The following SNX29 variants were observed in gnomAD, a reference collection of about 807,000 sequenced individuals.
SNX29 encodes the protein sorting nexin 29.
Under a neutral mutation model 102.1 loss-of-function variants are expected in SNX29, and 78 were observed. The ratio of observed to expected loss-of-function variants is 0.76; its 90% CI spans 0.64 to 0.92. The LOEUF (loss-of-function observed/expected upper bound fraction) is 0.92. Among genes scored for constraint, SNX29 ranks in the 40% least tolerant of loss-of-function variants. SNX29 has a pLI of 0.00. For synonymous variants in SNX29, 580 were observed against 414.5 expected, an observed-to-expected ratio of 1.40 and a Z score of -4.85; for missense variants, 1,280 against 1,061.7, an observed-to-expected ratio of 1.21 and a Z score of -2.86.
intron 14 of SNX29, among the ~76,000 whole-genome samples, chr16:12,230,819 C>CGTATGTATGTATGTATGTAT (rs72479138): frequency 6.7e-6 from 1 of 150,286 alleles, no homozygotes; most frequent in Non-Finnish European, 1.5e-5. Flanking sequence ...TGTAATAAGT[C>CGTATGTATGTATGTATGTAT]GTATGTATGT....
chr16:12,274,026 G>A (rs2079170630), intron 14 of SNX29, among the ~76,000 whole-genome samples: 1 of 152,180 alleles, frequency 6.6e-6, no homozygotes, highest in Non-Finnish European at 1.5e-5. Context: ...TTACTATGAA[G>A]TATTCTCTGG....
chr16:12,349,820 G>A (rs1352922674), intron 15 of SNX29, among the ~76,000 whole-genome samples: 1 of 151,032 alleles, frequency 6.6e-6, no homozygotes, highest in Non-Finnish European at 1.5e-5. Flanking sequence ...AATTATTAAT[G>A]CAAGAAATTG....
intron 20 of SNX29, among the ~76,000 whole-genome samples, chr16:12,536,175 C>G (rs562175042): frequency 6.6e-6 from 1 of 152,282 alleles, no homozygotes; most frequent in East Asian, 1.9e-4. Context: ...GCTTAGCACA[C>G]ATCACTCAGA....
chr16:12,316,529 C>T (rs191274512), intron 15 of SNX29, among the ~76,000 whole-genome samples: 27 of 152,210 alleles, frequency 1.8e-4, no homozygotes, highest in East Asian at 1.2e-3. Flanking sequence ...GGAGACAGAG[C>T]GAAACTCCAT....
intron 15 of SNX29, among the ~76,000 whole-genome samples, chr16:12,340,358 C>T (rs536870356): frequency 6.6e-6 from 1 of 152,202 alleles, no homozygotes; most frequent in Non-Finnish European, 1.5e-5. Context: ...AGACAATGTT[C>T]CTCAGTCAGT....
chr16:12,455,239 G>T (rs1042599841), intron 18 of SNX29, among the ~76,000 whole-genome samples: 2 of 152,154 alleles, frequency 1.3e-5, no homozygotes, highest in African/African-American at 4.8e-5. Flanking sequence ...GATTTGGGTG[G>T]CAAGTTAGAG....
intron 20 of SNX29, among the ~76,000 whole-genome samples, chr16:12,549,630 G>T (rs1011779774): frequency 6.6e-6 from 1 of 152,208 alleles, no homozygotes; most frequent in Non-Finnish European, 1.5e-5. Context: ...CACACGCTCT[G>T]TAAAGAGCAT....
chr16:12,444,851 T>TG (rs928906825), intron 18 of SNX29, among the ~76,000 whole-genome samples: 23 of 150,338 alleles, frequency 1.5e-4, no homozygotes, highest in East Asian at 5.8e-4. Context: ...TGTTTTTTTT[T>TG]TTTTTTGAGA....
intron 13 of SNX29, among the ~76,000 whole-genome samples, chr16:12,137,032 GC>G (rs2141470993): frequency 6.6e-6 from 1 of 152,304 alleles, no homozygotes; most frequent in Non-Finnish European, 1.5e-5. Flanking sequence ...GAGCCACGGT[GC>G]CCAGCCTAGG....
chr16:12,306,311 T>C (rs1015647597), intron 15 of SNX29, among the ~76,000 whole-genome samples: 9 of 152,056 alleles, frequency 5.9e-5, no homozygotes, highest in East Asian at 2.0e-4. Flanking sequence ...GCCAACTGCA[T>C]ATGGTCATGA....
chr16:12,265,944 T>G (rs2078915578), intron 14 of SNX29, among the ~76,000 whole-genome samples: 1 of 152,064 alleles, frequency 6.6e-6, no homozygotes. Context: ...GAAAGTAATT[T>G]CTATTTTTCT....
At chr16:11,982,505 C>G (rs974558368) in intron 1 of SNX29, among the ~76,000 whole-genome samples, 2 of 148,826 alleles carry the variant, frequency 1.3e-5, no homozygotes, top group African/African-American at 4.9e-5. Flanking sequence ...TCTCGGCTCA[C>G]TGCCAGCTCT....
At chr16:12,554,170 T>C (rs1382439974) in intron 20 of SNX29, among the ~76,000 whole-genome samples, 1 of 152,204 alleles carries the variant, frequency 6.6e-6, no homozygotes, top group Non-Finnish European at 1.5e-5. Flanking sequence ...ATGAGCAATG[T>C]GTGAATAAGT....
chr16:12,003,122 A>T, intron 3 of SNX29, 79 bp downstream of exon 3: 2 of 1,577,764 alleles, frequency 1.3e-6, no homozygotes, highest in African/African-American at 1.3e-5. Context: ...AAAACCGTTG[A>T]CCATCGAGGT....
rs200125531 is a variant in SNX29, at chr16:12,009,459, A to G, written c.122+6416A>G. 2.1e-3 allele frequency among the ~76,000 whole-genome samples: 309 copies of G among 149,088 alleles called. 4 individuals are homozygous for G. Among genetic ancestry groups the G allele is most frequent in the South Asian group, 0.017 (82 of 4,714 alleles). On this transcript the variant is annotated intron_variant, in intron 3 of 20. Transcript: ENST00000566228. ...TATTTTTATATGTGTGTGTGTATAT[A>G]TGTGTGTGTGTGTGTGTGTGTATAT...
chr16:12,458,672 T>C (rs1306349962), intron 18 of SNX29, among the ~76,000 whole-genome samples: 1 of 151,500 alleles, frequency 6.6e-6, no homozygotes, highest in East Asian at 1.9e-4. Context: ...GTAGATGAGT[T>C]AGAAGGCCAG....
At chr16:11,990,460 C>A (rs1440750213) in intron 1 of SNX29, among the ~76,000 whole-genome samples, 3 of 152,188 alleles carry the variant, frequency 2.0e-5, no homozygotes, top group Non-Finnish European at 4.4e-5. Context: ...GGGGGTCCCT[C>A]CTGGTCTTGT....
At chr16:12,553,552 G>C (rs2078126943) in intron 20 of SNX29, among the ~76,000 whole-genome samples, 2 of 152,096 alleles carry the variant, frequency 1.3e-5, no homozygotes, top group Non-Finnish European at 2.9e-5. Flanking sequence ...ACTGCAGGGA[G>C]CTAAGCAGGA....
At chr16:12,127,652 GC>G (rs1180165002) in intron 12 of SNX29, among the ~76,000 whole-genome samples, 57 of 152,156 alleles carry the variant, frequency 3.7e-4, no homozygotes, top group African/African-American at 1.4e-3. Context: ...GAACTTCTGA[GC>G]TTCAGTAATC....
Sources: allele counts gnomAD v4.1 joint callset (sites outside exome capture counted in the v4.1 genomes callset), GRCh38; gene constraint gnomAD v4.1.1; transcripts MANE v1.5; gene names NCBI Gene and HGNC (gene_info 2026-07-23, HGNC 2026-07-21).